MYO1D: variants seen among roughly 807,000 people sequenced by gnomAD.
MYO1D encodes myosin ID.
A neutral mutation model predicts 122.0 loss-of-function variants in MYO1D; 83 were observed. The ratio of observed to expected loss-of-function variants is 0.68; its 90% CI spans 0.57 to 0.82. The LOEUF is 0.82. Ranked by LOEUF, MYO1D falls within the 40% of genes least tolerant of loss-of-function variation. MYO1D has a pLI of 0.00. For missense variants in MYO1D, 1,157 were observed against 1,269.5 expected, an observed-to-expected ratio of 0.91 and a Z score of 1.35; for synonymous variants, 464 against 446.9, an observed-to-expected ratio of 1.04 and a Z score of -0.48.
intron 14 of MYO1D, among the ~76,000 whole-genome samples, chr17:32,732,347 C>T (rs955088762): frequency 2.6e-5 from 4 of 152,178 alleles, no homozygotes; most frequent in Non-Finnish European, 4.4e-5. Context: ...TCCAGGCCTG[C>T]CTATGGACCA....
chr17:32,799,309 G>C (rs2090442089), intron 1 of MYO1D, among the ~76,000 whole-genome samples: 1 of 152,182 alleles, frequency 6.6e-6, no homozygotes, highest in Non-Finnish European at 1.5e-5. Context: ...AGAGAAATTT[G>C]TGTAGGTAGA....
chr17:32,675,793 T>C (rs2088799526), intron 16 of MYO1D, among the ~76,000 whole-genome samples: 1 of 152,146 alleles, frequency 6.6e-6, no homozygotes, highest in South Asian at 2.1e-4. Context: ...CTGTTTATGG[T>C]ATACTGCCAT....
intron 1 of MYO1D, among the ~76,000 whole-genome samples, chr17:32,838,136 A>C (rs910503724): frequency 6.6e-6 from 1 of 152,130 alleles, no homozygotes; most frequent in East Asian, 1.9e-4. Flanking sequence ...TTTCCCTATA[A>C]ATATTCATGT....
At chr17:32,560,898 A>G (rs988465645) in intron 21 of MYO1D, among the ~76,000 whole-genome samples, 5 of 148,500 alleles carry the variant, frequency 3.4e-5, no homozygotes, top group African/African-American at 5.0e-5. Flanking sequence ...GATTACAGGC[A>G]TGAGCCACTA....
At chr17:32,853,563 G>C (rs1443920567) in intron 1 of MYO1D, among the ~76,000 whole-genome samples, 1 of 152,148 alleles carries the variant, frequency 6.6e-6, no homozygotes, top group Non-Finnish European at 1.5e-5. Flanking sequence ...TCACAGCATG[G>C]ATTACACTGC....
At chr17:32,806,321 G>C (rs1355206492) in intron 1 of MYO1D, among the ~76,000 whole-genome samples, 1 of 152,110 alleles carries the variant, frequency 6.6e-6, no homozygotes, top group African/African-American at 2.4e-5. Flanking sequence ...GTGTTATGTT[G>C]TTTGTTTTTC....
intron 21 of MYO1D, among the ~76,000 whole-genome samples, chr17:32,551,524 TTCTC>T (rs542772613): frequency 6.7e-6 from 1 of 148,552 alleles, no homozygotes; most frequent in East Asian, 1.9e-4. Flanking sequence ...CTTTTGCTCT[TTCTC>T]TATGTCCCCC....
chr17:32,628,913 A>G (rs2087963984), intron 20 of MYO1D, among the ~76,000 whole-genome samples: 1 of 152,242 alleles, frequency 6.6e-6, no homozygotes, highest in African/African-American at 2.4e-5. Flanking sequence ...ACTTGTGTCC[A>G]TACAAAAAAC....
chr17:32,854,625 C>T (rs930977458), intron 1 of MYO1D, among the ~76,000 whole-genome samples: 1 of 152,212 alleles, frequency 6.6e-6, no homozygotes, highest in African/African-American at 2.4e-5. Flanking sequence ...AGTTTGTACT[C>T]CCTGTACACA....
chr17:32,780,655 C>T lies in MYO1D; in HGVS notation c.225G>A (p.Pro75=), dbSNP rs749007183. ...CATCCGCAATAGCAAAAAGGTGAGGCGGTCTCTCATACAGCTCACGGCCTT... is the reference window on the plus strand; with the variant it reads ...CATCCGCAATAGCAAAAAGGTGAGGTGGTCTCTCATACAGCTCACGGCCTT... ...QYKGRELYER[P]PHLFAIADAA... The change falls in exon 2 of 22, where the codon CCG becomes CCA. Residue 75 remains proline, a synonymous_variant. Coordinates refer to ENST00000318217, the MANE Select transcript of MYO1D (RefSeq NM_015194.3). The T allele has an allele frequency of 3.5e-5, 57 of 1,613,938 alleles. No individual in the cohort carries two copies. The highest frequency in any genetic ancestry group is 4.4e-5 in the Non-Finnish European group (52 of 1,180,020).
intron 21 of MYO1D, among the ~76,000 whole-genome samples, chr17:32,513,661 T>C (rs1909778445): frequency 6.6e-6 from 1 of 152,184 alleles, no homozygotes; most frequent in African/African-American, 2.4e-5. Context: ...AATTCTATTA[T>C]AAAATCAGCA....
chr17:32,813,073 G>A (rs918106193), intron 1 of MYO1D, among the ~76,000 whole-genome samples: 6 of 152,072 alleles, frequency 3.9e-5, no homozygotes, highest in Admixed American at 2.0e-4. Flanking sequence ...TCCTATAAAC[G>A]GTCTTCACTG....
chr17:32,793,505 C>T (rs1346589597), intron 1 of MYO1D, among the ~76,000 whole-genome samples: 1 of 152,154 alleles, frequency 6.6e-6, no homozygotes, highest in Non-Finnish European at 1.5e-5. Flanking sequence ...TATTGCTTGA[C>T]ATTTGAATTA....
chr17:32,537,585 T>C (rs1910700410), intron 21 of MYO1D, among the ~76,000 whole-genome samples: 1 of 152,232 alleles, frequency 6.6e-6, no homozygotes, highest in South Asian at 2.1e-4. Context: ...TAGGGTCTAA[T>C]TGCTTTTTAT....
intron 20 of MYO1D, among the ~76,000 whole-genome samples, chr17:32,608,099 C>G (rs1464873246): frequency 2.6e-5 from 4 of 151,970 alleles, no homozygotes; most frequent in African/African-American, 9.7e-5. Flanking sequence ...AGAAATGATA[C>G]CAAAAGCACA....
chr17:32,641,723 A>T (rs2150941616), intron 19 of MYO1D, among the ~76,000 whole-genome samples: 1 of 152,312 alleles, frequency 6.6e-6, no homozygotes. Flanking sequence ...TTGGCTGCAT[A>T]AATGTCTTCT....
chr17:32,616,249 C>A (rs1258026535), intron 20 of MYO1D, among the ~76,000 whole-genome samples: 1 of 152,158 alleles, frequency 6.6e-6, no homozygotes, highest in East Asian at 1.9e-4. Flanking sequence ...TGACCTTAAA[C>A]CTGGTATTAT....
chr17:32,529,450 A>T (rs1910445101), intron 21 of MYO1D, among the ~76,000 whole-genome samples: 2 of 152,230 alleles, frequency 1.3e-5, no homozygotes, highest in African/African-American at 4.8e-5. Context: ...CCTTAAGAAG[A>T]ATACAGAGTA....
rs950023342 is a variant in MYO1D at position 32,635,125 on chromosome 17, G to A, written c.2709+3597C>T. On this transcript the variant is annotated intron_variant, in intron 20 of 21. Coordinates refer to ENST00000318217, the MANE Select transcript of MYO1D (RefSeq NM_015194.3). ...TCATCTGAGACACTGTGTTCAATATGTTACTGCAAGATGAAACTCTAATGG... is the reference window on the plus strand; with the variant it reads ...TCATCTGAGACACTGTGTTCAATATATTACTGCAAGATGAAACTCTAATGG... Among the ~76,000 whole-genome samples, 5 of 152,186 alleles carry A rather than the reference G, an allele frequency of 3.3e-5. 1 individual carries two copies. The highest frequency in any genetic ancestry group is 2.6e-4 in the Admixed American group (4 of 15,282).
Sources: gnomAD v4.1 joint callset for allele counts (sites outside exome capture counted in the v4.1 genomes callset) on GRCh38, gnomAD v4.1.1 for gene constraint, MANE v1.5 for transcripts, NCBI Gene and HGNC (gene_info 2026-07-23, HGNC 2026-07-21) for gene names.